KIF26A: variants seen among roughly 807,000 people sequenced by gnomAD.
KIF26A encodes the protein kinesin-like protein KIF26A.
A neutral mutation model predicts 126.0 loss-of-function variants in KIF26A; 74 were observed. The ratio of observed to expected loss-of-function variants is 0.59; its 90% CI spans 0.49 to 0.71. The LOEUF (loss-of-function observed/expected upper bound fraction) is 0.71, where lower values mean the gene tolerates loss of function less well. KIF26A is among the 30% of genes least tolerant of loss of function. The probability of loss-of-function intolerance (pLI) is 0.00; values close to 1 mark genes in which losing one functional copy is unlikely to be tolerated. For missense variants in KIF26A, 2,984 were observed against 2,763.3 expected (o/e 1.08, Z -1.79); for synonymous variants, 1,445 against 1,232.7 (o/e 1.17, Z -3.61).
intron 2 of KIF26A, among the ~76,000 whole-genome samples, chr14:104,145,791 C>A (rs142436506): frequency 1.3e-5 from 2 of 152,220 alleles, no homozygotes; most frequent in African/African-American, 4.8e-5. Flanking sequence ...GTCCTCCAGC[C>A]GCTTGACCTA....
At chr14:104,153,202 A>G (rs2037746400) in intron 3 of KIF26A, among the ~76,000 whole-genome samples, 1 of 152,116 alleles carries the variant, frequency 6.6e-6, no homozygotes. Flanking sequence ...CTGTCTGGAC[A>G]TCAAGATCCT....
intron 5 of KIF26A, among the ~76,000 whole-genome samples, chr14:104,170,652 G>A (rs1473004348): frequency 1.3e-5 from 2 of 152,250 alleles, no homozygotes; most frequent in East Asian, 1.9e-4. Context: ...CTGGCTCTGC[G>A]TTGGAGCCCT....
Position 104,175,302 on chromosome 14 carries a change from C to T in KIF26A, c.2514C>T (p.Cys838=), listed in dbSNP as rs2038006835. ...CCCGAGACGCAGACCACTTCCGCTG[C>T]AGCACCTTCGCGGAGCTGCAGGAGC... ...KGPRDADHFR[C]STFAELQERL... The change falls in exon 12 of 15, where the codon TGC becomes TGT. Residue 838 remains cysteine, a synonymous_variant. Transcript: ENST00000423312. 1.9e-6 allele frequency: 3 copies of T among 1,604,882 alleles called. No individual in the cohort carries two copies. The highest frequency in any genetic ancestry group is 2.5e-6 in the Non-Finnish European group (3 of 1,179,562).
At chr14:104,141,215 C>G (rs1384339184) in intron 2 of KIF26A, among the ~76,000 whole-genome samples, 1 of 152,196 alleles carries the variant, frequency 6.6e-6, no homozygotes, top group Non-Finnish European at 1.5e-5. Context: ...GCCAGGGAGA[C>G]CCCAGTGTGC....
chr14:104,173,468 C>G lies in KIF26A; in HGVS notation c.1822C>G (p.Leu608Val). Residue 608 changes from leucine to valine, a missense_variant, in exon 9 of 15, where the codon CTG (leucine) becomes GTG (valine). By Grantham distance (32) the Leu-to-Val change is conservative. Transcript: ENST00000423312. ...ACGCAGCTCCCACATGTTGTTCACG[C>G]TGCACGTCTACCAGTACCGCATGGA... ...ARRSSHMLFT[L>V]HVYQYRMEKC... is the part of the protein sequence containing the mutation. 1.9e-6 allele frequency: 3 copies of G among 1,587,624 alleles called. No homozygotes were observed. The highest frequency in any genetic ancestry group is 2.6e-6 in the Non-Finnish European group (3 of 1,164,258).
Position 104,166,898 on chromosome 14 carries a change from G to A in KIF26A, c.963G>A (p.Lys321=). 4 of 1,586,886 alleles carry A rather than the reference G, an allele frequency of 2.5e-6. No homozygotes were observed. The Middle Eastern group carries it at 5.3e-4, about 209-fold the overall frequency. ...TCAGCCTGGCCTCCAAGAGGAAGAA[G>A]CCCCACCCGCCACCGCCTCCAGCCA... The part of the protein sequence containing the change: ...QKLSLASKRK[K]PHPPPPPATR... The change falls in exon 5 of 15, where the codon AAG becomes AAA. Residue 321 remains lysine, a synonymous_variant. Transcript: ENST00000423312.
In KIF26A at chr14:104,175,487, G is replaced by A. The variant is rs1373974232; in HGVS notation, c.2699G>A (p.Arg900Gln). ...ACCCCGATGGCTGCCAGCACCCCTC[G>A]AGGCAGTTCTGGTCCAGACACCCAC... The part of the protein sequence containing the change: ...VGTPMAASTP[R>Q]GSSGPDTHQG... The change falls in exon 12 of 15, where the codon CGA becomes CAA. Residue 900 changes from arginine to glutamine, a missense_variant. Physicochemically the swap from Arg to Gln is conservative, Grantham distance 43. Coordinates refer to ENST00000423312, the MANE Select transcript of KIF26A (RefSeq NM_015656.2). 4.4e-6 allele frequency: 7 copies of A among 1,593,790 alleles called. No individual in the cohort carries two copies. Among genetic ancestry groups the A allele is most frequent in the Admixed American group, 3.4e-5 (2 of 59,118 alleles).
chr14:104,176,159 G>A lies in KIF26A; in HGVS notation c.3371G>A (p.Ser1124Asn), dbSNP rs372514272. 3.3e-5 allele frequency: 52 copies of A among 1,589,488 alleles called. No individual in the cohort carries two copies. Among genetic ancestry groups the A allele is most frequent in the Non-Finnish European group, 3.9e-5 (46 of 1,169,188 alleles). ...LSEVSVCTAD[S>N]RDPTPQPRFS... ...GAGGTCAGCGTCTGCACTGCCGACAGCCGTGACCCCACGCCGCAGCCCCGC... is the reference window on the plus strand; with the variant it reads ...GAGGTCAGCGTCTGCACTGCCGACAACCGTGACCCCACGCCGCAGCCCCGC... The change falls in exon 12 of 15, where the codon AGC (serine) becomes AAC (asparagine). Residue 1124 changes from serine to asparagine, a missense_variant. Physicochemically the swap from Ser to Asn is conservative, Grantham distance 46. Transcript: ENST00000423312.
intron 7 of KIF26A, 60 bp downstream of exon 7, chr14:104,172,728 A>T (rs1235216413): frequency 2.8e-5 from 37 of 1,327,326 alleles, no homozygotes; most frequent in Non-Finnish European, 3.9e-5. Context: ...CATCCTCATC[A>T]CGGTGGTTGC....
chr14:104,147,367 C>T (rs969300761), intron 2 of KIF26A, among the ~76,000 whole-genome samples: 3 of 152,202 alleles, frequency 2.0e-5, no homozygotes, highest in African/African-American at 4.8e-5. Context: ...TTGGGGATGG[C>T]GTGCCGGCCA....
Position 104,157,766 on chromosome 14 carries a change from GGTGGCGGCC to G in KIF26A, c.755_763del (p.Ala252_Ala254del), listed in dbSNP as rs1240629985. ...CTCCTTCCCTCCAGGCCGAGGCAGC[GGTGGCGGCC>G]GTGGCGGTGGCAGACACGGTCCGAG... On this transcript the variant is annotated inframe_deletion, in exon 4 of 15. Transcript: ENST00000423312. 2 of 1,610,644 alleles carry G rather than the reference GGTGGCGGCC, an allele frequency of 1.2e-6. No individual in the cohort carries two copies. Among genetic ancestry groups the G allele is most frequent in the Non-Finnish European group, 1.7e-6 (2 of 1,179,100 alleles).
chr14:104,168,929 C>T (rs1450058907), intron 5 of KIF26A, among the ~76,000 whole-genome samples: 1 of 152,078 alleles, frequency 6.6e-6, no homozygotes, highest in Non-Finnish European at 1.5e-5. Flanking sequence ...AATCTCTTTG[C>T]CTAGCACTGC....
In KIF26A at chr14:104,160,279, C is replaced by T. The variant is rs1026496256; in HGVS notation, c.923+2337C>T. On this transcript the variant is annotated intron_variant, in intron 4 of 14. Transcript: ENST00000423312. The stretch of plus-strand genomic sequence containing the variant: ...GGTCAGGAGTTTGAGTTTTTGAATC[C>T]CGTGGGCCTGGGGAGTCTCAGCTCT... Among the ~76,000 whole-genome samples the T allele has an allele frequency of 1.3e-4, 20 of 152,218 alleles. 1 individual carries two copies. Among genetic ancestry groups the T allele is most frequent in the Middle Eastern group, 3.4e-3 (1 of 294 alleles).
At position 104,166,962 on chromosome 14, in the gene KIF26A, G is replaced by A. The variant is rs536129538; in HGVS notation, c.1027G>A (p.Val343Ile). ...CACCTACCCCACCGACTTCAGCGGG[G>A]TCCTGCAGCTGTGGCCGCCCCCGGC... ...TSTYPTDFSG[V>I]LQLWPPPAPP... Residue 343 changes from valine to isoleucine, a missense_variant, in exon 5 of 15, where the codon GTC (valine) becomes ATC (isoleucine). Coordinates refer to ENST00000423312, the MANE Select transcript of KIF26A (RefSeq NM_015656.2). 8.8e-6 allele frequency: 14 copies of A among 1,590,794 alleles called. No individual in the cohort carries two copies. The highest frequency in any genetic ancestry group is 2.7e-5 in the African/African-American group (2 of 74,568).
rs1332541213 is a variant in KIF26A at position 104,157,965 on chromosome 14, C to G, written c.923+23C>G. On this transcript the variant is annotated intron_variant, in intron 4 of 14. Transcript: ENST00000423312. ...AAGGTATGTCCTGGGGCTTCCTGGG[C>G]AGCCTTGTGGGCAGGGCCCCATGGC... The G allele has an allele frequency of 7.5e-6, 11 of 1,475,674 alleles. No homozygotes were observed. In the Admixed American group the frequency reaches 1.2e-4, roughly 17 times the overall value. 91.4% of individuals were successfully genotyped at this position (1,475,674 alleles called of 1,614,324 possible). A position where few individuals can be genotyped will look rare whatever the true frequency, so the allele number is the denominator to read the frequency against.
chr14:104,141,813 G>C (rs1240169870), intron 2 of KIF26A, among the ~76,000 whole-genome samples: 1 of 152,194 alleles, frequency 6.6e-6, no homozygotes, highest in South Asian at 2.1e-4. Context: ...CTGGGCCCTT[G>C]CCCACCCTCC....
chr14:104,175,166 T>C lies in KIF26A; in HGVS notation c.2378T>C (p.Val793Ala). The stretch of plus-strand genomic sequence containing the variant: ...CAGTCCTGTGACACGGTCATCTACG[T>C]GGGGCCCGGTGGGGCGGCGCTGTCA... ...SEQSCDTVIYVGPGGAALSDR... is the reference protein window; with the variant it reads ...SEQSCDTVIYAGPGGAALSDR... The change falls in exon 12 of 15, where the codon GTG becomes GCG. Residue 793 changes from valine to alanine, a missense_variant. Coordinates refer to ENST00000423312, the MANE Select transcript of KIF26A (RefSeq NM_015656.2). 5 of 1,606,604 alleles carry C rather than the reference T, an allele frequency of 3.1e-6. No individual in the cohort carries two copies. Among genetic ancestry groups the C allele is most frequent in the Non-Finnish European group, 4.2e-6 (5 of 1,177,548 alleles).
chr14:104,179,817 G>A lies in KIF26A; in HGVS notation c.*27G>A. The A allele has an allele frequency of 2.0e-6, 3 of 1,498,366 alleles. No individual in the cohort carries two copies. In the South Asian group the frequency reaches 3.9e-5, roughly 20 times the overall value. 92.8% of individuals were successfully genotyped at this position (1,498,366 alleles called of 1,614,324 possible). ...GCTGGGCGCCGGACAAGAGGAGGGG[G>A]CGTGCAGCGGGCTGGAGGACGGGAC... On this transcript the variant is annotated 3_prime_UTR_variant, in exon 15 of 15. Coordinates refer to ENST00000423312, the MANE Select transcript of KIF26A (RefSeq NM_015656.2).
intron 2 of KIF26A, among the ~76,000 whole-genome samples, chr14:104,147,195 G>A (rs72714969): frequency 0.01 from 1,554 of 152,250 alleles, 10 homozygotes; most frequent in Middle Eastern, 0.024. Flanking sequence ...ACCCCACCTC[G>A]CCGGGGCCAT....
Sources: allele counts gnomAD v4.1 joint callset (sites outside exome capture counted in the v4.1 genomes callset), GRCh38; gene constraint gnomAD v4.1.1; transcripts MANE v1.5; gene names NCBI Gene and HGNC (gene_info 2026-07-23, HGNC 2026-07-21).